The following CADM2 variants were observed in gnomAD, a reference collection of about 807,000 sequenced individuals.
The protein encoded by CADM2 is cell adhesion molecule 2, also known as immunoglobulin superfamily member 4D.
Under a neutral mutation model 49.8 loss-of-function variants are expected in CADM2, and 12 were observed. The ratio of observed to expected loss-of-function variants is 0.24; its 90% CI spans 0.15 to 0.39. CADM2 has a LOEUF of 0.39. Ranked by LOEUF, CADM2 falls within the 10% of genes least tolerant of loss-of-function variation. The probability of loss-of-function intolerance (pLI) is 1.00; values close to 1 mark genes in which losing one functional copy is unlikely to be tolerated. For synonymous variants in CADM2, 214 were observed against 175.4 expected (o/e 1.22, Z -1.74); for missense variants, 378 against 492.3 (o/e 0.77, Z 2.20).
chr3:84,974,949 T>G (rs1475387380), intron 1 of CADM2, among the ~76,000 whole-genome samples: 3 of 151,886 alleles, frequency 2.0e-5, no homozygotes, highest in Admixed American at 1.3e-4. Flanking sequence ...TGATTTAGTG[T>G]AAAATGCTGC....
intron 7 of CADM2, among the ~76,000 whole-genome samples, chr3:85,944,685 A>T (rs551229515): frequency 6.6e-6 from 1 of 152,176 alleles, no homozygotes; most frequent in Non-Finnish European, 1.5e-5. Context: ...TACTGGGTAC[A>T]TAATGAAATG....
At chr3:85,355,225 G>C (rs2031755420) in intron 1 of CADM2, among the ~76,000 whole-genome samples, 1 of 152,018 alleles carries the variant, frequency 6.6e-6, no homozygotes, top group African/African-American at 2.4e-5. Context: ...AGGTCGAGAT[G>C]ATGGTTAGCT....
chr3:85,042,488 C>G (rs1310658758), intron 1 of CADM2, among the ~76,000 whole-genome samples: 1 of 150,428 alleles, frequency 6.6e-6, no homozygotes, highest in Non-Finnish European at 1.5e-5. Flanking sequence ...CTGCTTTTTT[C>G]TTTTATTGTG....
intron 3 of CADM2, among the ~76,000 whole-genome samples, chr3:85,830,311 T>A (rs953148698): frequency 6.6e-6 from 1 of 151,974 alleles, no homozygotes; most frequent in Non-Finnish European, 1.5e-5. Context: ...TGGCCATTTG[T>A]AGGTCTGCTT....
chr3:85,747,518 G>C (rs1487194719), intron 2 of CADM2, among the ~76,000 whole-genome samples: 2 of 152,020 alleles, frequency 1.3e-5, no homozygotes, highest in Non-Finnish European at 2.9e-5. Flanking sequence ...GAAAGTGAAG[G>C]CAACATCAAT....
intron 1 of CADM2, among the ~76,000 whole-genome samples, chr3:85,000,474 A>C (rs188618414): frequency 5.1e-4 from 77 of 152,110 alleles, no homozygotes; most frequent in Admixed American, 5.0e-3. Flanking sequence ...TACTTATTCC[A>C]AGGTTGCTAA....
chr3:85,094,133 A>T (rs971294500), intron 1 of CADM2, among the ~76,000 whole-genome samples: 9 of 152,150 alleles, frequency 5.9e-5, no homozygotes, highest in Non-Finnish European at 1.3e-4. Flanking sequence ...GAGCCAATAC[A>T]ATGTAGAACT....
At chr3:85,225,600 C>T (rs151160646) in intron 1 of CADM2, among the ~76,000 whole-genome samples, 1,904 of 152,264 alleles carry the variant, frequency 0.013, 32 homozygotes, top group African/African-American at 0.044. Flanking sequence ...ATTTCTTTCT[C>T]TTGTCTGATT....
intron 1 of CADM2, among the ~76,000 whole-genome samples, chr3:85,370,100 C>A (rs891382273): frequency 6.6e-6 from 1 of 151,726 alleles, no homozygotes; most frequent in Non-Finnish European, 1.5e-5. Context: ...GTAATCCCAA[C>A]TACTCAGGAG....
At chr3:85,886,364 C>T (rs1415947038) in intron 5 of CADM2, 37 bp downstream of exon 5, 2 of 1,486,828 alleles carry the variant, frequency 1.3e-6, no homozygotes, top group Non-Finnish European at 1.9e-6. Flanking sequence ...AATTAATGTG[C>T]TGAAACCAGT....
intron 1 of CADM2, among the ~76,000 whole-genome samples, chr3:85,518,965 C>T (rs1046180973): frequency 2.0e-5 from 3 of 152,024 alleles, no homozygotes; most frequent in Non-Finnish European, 4.4e-5. Flanking sequence ...ATTCTGCCTA[C>T]CATATTCCTG....
intron 1 of CADM2, among the ~76,000 whole-genome samples, chr3:85,082,802 C>T (rs2037218279): frequency 6.6e-6 from 1 of 151,994 alleles, no homozygotes. Context: ...AGAACAAAGG[C>T]ATATTTGATG....
At chr3:85,226,612 T>C (rs951334249) in intron 1 of CADM2, among the ~76,000 whole-genome samples, 1 of 151,790 alleles carries the variant, frequency 6.6e-6, no homozygotes, top group Non-Finnish European at 1.5e-5. Context: ...TTTTTTTGTG[T>C]GTGTGTCTAT....
intron 1 of CADM2, among the ~76,000 whole-genome samples, chr3:85,347,367 G>A (rs537915758): frequency 4.0e-5 from 6 of 149,404 alleles, no homozygotes; most frequent in Admixed American, 6.7e-5. Context: ...AAGTGATCAC[G>A]TATGTATAAT....
At chr3:86,035,055 G>A (rs943109237) in intron 8 of CADM2, among the ~76,000 whole-genome samples, 3 of 151,890 alleles carry the variant, frequency 2.0e-5, no homozygotes, top group Admixed American at 1.3e-4. Flanking sequence ...TCTTTAGATT[G>A]CAATTACAAT....
At chr3:85,802,283 A>G in intron 3 of CADM2, 87 bp downstream of exon 3, 1 of 1,125,912 alleles carries the variant, frequency 8.9e-7, no homozygotes. Context: ...GATTCAAACT[A>G]TTCCTTTTGA....
chr3:85,422,858 G>A (rs988150004), intron 1 of CADM2, among the ~76,000 whole-genome samples: 5 of 151,906 alleles, frequency 3.3e-5, no homozygotes, highest in Non-Finnish European at 5.9e-5. Context: ...GCAGTGTCTC[G>A]GGGTGTTACA....
At chr3:85,753,120 A>G (rs1036996113) in intron 2 of CADM2, among the ~76,000 whole-genome samples, 21 of 152,220 alleles carry the variant, frequency 1.4e-4, no homozygotes, top group African/African-American at 4.8e-4. Context: ...AAGAAAAACA[A>G]CTGTGCTCCC....
intron 8 of CADM2, among the ~76,000 whole-genome samples, chr3:85,999,779 A>T (rs1023791953): frequency 4.6e-5 from 7 of 152,224 alleles, no homozygotes; most frequent in Non-Finnish European, 1.0e-4. Flanking sequence ...GATAAAAGTC[A>T]GACTGCAGGA....
Sources: gnomAD v4.1 joint callset for allele counts (sites outside exome capture counted in the v4.1 genomes callset) on GRCh38, gnomAD v4.1.1 for gene constraint, MANE v1.5 for transcripts, NCBI Gene and HGNC (gene_info 2026-07-23, HGNC 2026-07-21) for gene names.